XRRA1: variants seen among roughly 807,000 people sequenced by gnomAD.
XRRA1 encodes the protein X-ray radiation resistance-associated protein 1.
A neutral mutation model predicts 80.2 loss-of-function variants in XRRA1; 69 were observed. The ratio of observed to expected loss-of-function variants is 0.86; its 90% CI spans 0.71 to 1.05. The LOEUF (loss-of-function observed/expected upper bound fraction) is 1.05, where lower values mean the gene tolerates loss of function less well. XRRA1 is among the 50% of genes least tolerant of loss of function. The pLI is 0.00. For missense variants in XRRA1, 967 were observed against 976.4 expected (o/e 0.99, Z 0.13); for synonymous variants, 348 against 389.9 (o/e 0.89, Z 1.27).
At chr11:74,885,314 T>G (rs894967762) in intron 10 of XRRA1, among the ~76,000 whole-genome samples, 1 of 151,824 alleles carries the variant, frequency 6.6e-6, no homozygotes, top group African/African-American at 2.4e-5. Flanking sequence ...TTTGAAAAAG[T>G]TAATGAGATA....
At chr11:74,879,790 C>T (rs1033213404) in intron 10 of XRRA1, among the ~76,000 whole-genome samples, 1 of 148,614 alleles carries the variant, frequency 6.7e-6, no homozygotes, top group Non-Finnish European at 1.5e-5. Flanking sequence ...TATATTGAAC[C>T]AGCCTTGCAT....
intron 12 of XRRA1, among the ~76,000 whole-genome samples, chr11:74,855,380 A>G (rs192409282): frequency 1.8e-4 from 28 of 152,362 alleles, no homozygotes; most frequent in African/African-American, 6.7e-4. Context: ...AAAGTTGAAG[A>G]AAATTACAAT....
chr11:74,897,723 G>GA (rs1376648838), intron 10 of XRRA1, among the ~76,000 whole-genome samples: 3,262 of 110,930 alleles, frequency 0.029, 96 homozygotes, highest in African/African-American at 0.091. Flanking sequence ...AAAAAAAAAA[G>GA]AAAAAAAAAA....
At chr11:74,944,417 G>A (rs979736887) in intron 2 of XRRA1, among the ~76,000 whole-genome samples, 2 of 152,170 alleles carry the variant, frequency 1.3e-5, no homozygotes, top group African/African-American at 4.8e-5. Context: ...ATCAATGGTA[G>A]TCATCAATTT....
intron 8 of XRRA1, 28 bp downstream of exon 8, chr11:74,921,186 A>T (rs1432941941): frequency 1.2e-6 from 2 of 1,610,118 alleles, no homozygotes; most frequent in South Asian, 2.2e-5. Context: ...ACAAAAACAC[A>T]GAATGGACTC....
chr11:74,877,773 C>G (rs1182615204), intron 10 of XRRA1, among the ~76,000 whole-genome samples: 1 of 152,046 alleles, frequency 6.6e-6, no homozygotes, highest in Non-Finnish European at 1.5e-5. Context: ...TCATCCATGT[C>G]CCTACAAAGG....
chr11:74,880,756 A>AT (rs1484508410), intron 10 of XRRA1, among the ~76,000 whole-genome samples: 1 of 151,082 alleles, frequency 6.6e-6, no homozygotes, highest in Non-Finnish European at 1.5e-5. Flanking sequence ...TTCAGTTTCC[A>AT]TGTAGTTGAG....
chr11:74,861,881 C>T (rs746360535), intron 11 of XRRA1, among the ~76,000 whole-genome samples: 1 of 152,178 alleles, frequency 6.6e-6, no homozygotes, highest in African/African-American at 2.4e-5. Flanking sequence ...GACTTCCAAA[C>T]TTGTGGCTGG....
chr11:74,908,141 A>G (rs2055051332), intron 8 of XRRA1, among the ~76,000 whole-genome samples: 2 of 152,196 alleles, frequency 1.3e-5, no homozygotes, highest in African/African-American at 4.8e-5. Flanking sequence ...CACACACACA[A>G]CTAGAGGAAG....
rs565575012 is a variant in XRRA1, at chr11:74,892,467, G to A, written c.1003+13772C>T. On this transcript the variant is annotated intron_variant, in intron 10 of 18. Coordinates refer to ENST00000684022, the MANE Select transcript of XRRA1 (RefSeq NM_001378157.1). ...CATAAAAGCCCTAGAAGAAAACCTAGGCATTACCATTCAGGACATAGGCAT... is the reference window on the plus strand; with the variant it reads ...CATAAAAGCCCTAGAAGAAAACCTAAGCATTACCATTCAGGACATAGGCAT... 2.0e-3 allele frequency among the ~76,000 whole-genome samples: 298 copies of A among 152,222 alleles called. 2 individuals carry two copies. The highest frequency in any genetic ancestry group is 6.9e-3 in the African/African-American group (285 of 41,536).
rs749229528 is a variant in XRRA1, at chr11:74,848,230, G to A, written c.1613C>T (p.Ser538Phe). The change falls in exon 15 of 19, where the codon TCC becomes TTC. Residue 538 changes from serine (S) to phenylalanine (F), a missense_variant. Ser to Phe is a radical substitution (Grantham distance 155). Coordinates refer to ENST00000684022, the MANE Select transcript of XRRA1 (RefSeq NM_001378157.1). Reference protein sequence around the residue: ...FVPLPPICSNSTVHSEETLSH... With the variant: ...FVPLPPICSNFTVHSEETLSH... ...CAGGGTCTCTTCACTATGCACAGTG[G>A]AGTTGGAGCAGATGGGAGGCAGTGG... 3 of 1,613,938 alleles carry A rather than the reference G, an allele frequency of 1.9e-6. No individual in the cohort carries two copies. The highest frequency in any genetic ancestry group is 2.2e-5 in the South Asian group (2 of 91,082).
chr11:74,845,594 A>T (rs2037878118), intron 15 of XRRA1, among the ~76,000 whole-genome samples: 1 of 152,170 alleles, frequency 6.6e-6, no homozygotes, highest in Admixed American at 6.5e-5. Context: ...TGTGGACTGC[A>T]AGTGATGAGA....
intron 9 of XRRA1, 42 bp downstream of exon 9, chr11:74,907,103 G>A: frequency 1.2e-6 from 2 of 1,611,040 alleles, no homozygotes; most frequent in Non-Finnish European, 1.7e-6. Flanking sequence ...AGCAAGCCTG[G>A]GGATTAGAGG....
chr11:74,931,252 T>G (rs1943494448), intron 5 of XRRA1, among the ~76,000 whole-genome samples: 1 of 152,178 alleles, frequency 6.6e-6, no homozygotes, highest in Non-Finnish European at 1.5e-5. Flanking sequence ...CTCAACACTG[T>G]TTTTGAGAAT....
chr11:74,871,546 G>T (rs2044769893), intron 10 of XRRA1, among the ~76,000 whole-genome samples: 1 of 152,180 alleles, frequency 6.6e-6, no homozygotes. Context: ...AGTCATATCA[G>T]GCAATCCAAA....
intron 10 of XRRA1, among the ~76,000 whole-genome samples, chr11:74,887,360 A>C (rs2049291923): frequency 6.6e-6 from 1 of 152,246 alleles, no homozygotes; most frequent in Admixed American, 6.5e-5. Context: ...TAAGGTACTT[A>C]AATTTATAAG....
rs772051480 is a variant in XRRA1, at chr11:74,927,476, G to C, written c.437C>G (p.Thr146Arg). The C allele has an allele frequency of 1.9e-6, 3 of 1,609,936 alleles. No homozygotes were observed. Among genetic ancestry groups the C allele is most frequent in the Non-Finnish European group, 2.6e-6 (3 of 1,176,366 alleles). ...ATCCAGTTCCTTTAGGGCTGGAAAC[G>C]TGTGAAATGCCTCTACATGGGGAAG... is the stretch of plus-strand genomic sequence containing the variant. ...ENLLPLEAFH[T>R]FPALKELDLA... is the part of the protein sequence containing the mutation. The change falls in exon 7 of 19, where the codon ACG becomes AGG. Residue 146 changes from threonine to arginine, a missense_variant. Transcript: ENST00000684022.
At chr11:74,891,993 A>G (rs1231619246) in intron 10 of XRRA1, among the ~76,000 whole-genome samples, 1 of 152,236 alleles carries the variant, frequency 6.6e-6, no homozygotes, top group Non-Finnish European at 1.5e-5. Context: ...GGTAATTTAT[A>G]GATTCAATGC....
At chr11:74,846,037 T>C (rs892347529) in intron 15 of XRRA1, 3 of 152,098 alleles carry the variant, frequency 2.0e-5, no homozygotes, top group African/African-American at 7.2e-5. Context: ...ATGTTTGGCA[T>C]CAATATGGTG....
Sources: gnomAD v4.1 joint callset for allele counts (sites outside exome capture counted in the v4.1 genomes callset) on GRCh38, gnomAD v4.1.1 for gene constraint, MANE v1.5 for transcripts, NCBI Gene and HGNC (gene_info 2026-07-23, HGNC 2026-07-21) for gene names.